ERGIC1: variants seen among roughly 807,000 people sequenced by gnomAD.
ERGIC1 encodes endoplasmic reticulum-Golgi intermediate compartment protein 1.
ERGIC1 carries 19 observed loss-of-function variants against 38.3 expected under a neutral mutation model. That is an observed-to-expected ratio of 0.50 (90% confidence interval 0.35 to 0.73). ERGIC1 has a LOEUF of 0.73. Ranked by LOEUF, ERGIC1 falls within the 30% of genes least tolerant of loss-of-function variation. ERGIC1 has a pLI of 0.01. For missense variants in ERGIC1, 294 were observed against 389.2 expected (o/e 0.76, Z 2.06); for synonymous variants, 124 against 157.6 (o/e 0.79, Z 1.60).
intron 1 of ERGIC1, among the ~76,000 whole-genome samples, chr5:172,866,087 C>T (rs947418150): frequency 2.6e-5 from 4 of 152,164 alleles, no homozygotes; most frequent in Admixed American, 6.5e-5. Flanking sequence ...AGTATAAACT[C>T]TCTTTTTCTT....
Position 172,932,432 on chromosome 5 carries a change from G to T in ERGIC1, c.542-4G>T. 6.2e-7 allele frequency: 1 copy of T among 1,613,952 alleles called. No homozygotes were observed. The highest frequency in any genetic ancestry group is 8.5e-7 in the Non-Finnish European group (1 of 1,179,948). On this transcript the variant is annotated splice_polypyrimidine_tract_variant and splice_region_variant and intron_variant, in intron 7 of 9. Coordinates refer to ENST00000393784, the MANE Select transcript of ERGIC1 (RefSeq NM_001031711.3). ...TGCTTCATTCTGCTGTGTCCTTCCC[G>T]CAGCCCTGGCCTCCCACGACTACAT...
chr5:172,913,877 A>G (rs1763272467), intron 4 of ERGIC1, among the ~76,000 whole-genome samples: 1 of 152,170 alleles, frequency 6.6e-6, no homozygotes, highest in African/African-American at 2.4e-5. Context: ...GGTGTGAATG[A>G]ATGAATAAGT....
At chr5:172,836,291 A>G (rs972519152) in intron 1 of ERGIC1, among the ~76,000 whole-genome samples, 1 of 152,166 alleles carries the variant, frequency 6.6e-6, no homozygotes, top group Non-Finnish European at 1.5e-5. Context: ...GGCCAGCTCT[A>G]GCCTTTGGCC....
intron 1 of ERGIC1, among the ~76,000 whole-genome samples, chr5:172,836,055 G>A (rs1394766243): frequency 6.6e-6 from 1 of 152,194 alleles, no homozygotes; most frequent in Non-Finnish European, 1.5e-5. Flanking sequence ...TGAGCTTGCT[G>A]GGGAAATTGC....
In ERGIC1 at chr5:172,926,782, C is replaced by G. The variant is rs1277158143; in HGVS notation, c.541+213C>G. ...TGATGGAGAAGGAAGAAGGCTTGTC[C>G]CGGGGCACAGCAGACGCACGCACGC... On this transcript the variant is annotated intron_variant, in intron 7 of 9. Transcript: ENST00000393784. This position sits in a 1 kb window ranked among gnomAD's most constrained non-coding sequence, Gnocchi z 5.2. The G allele has an allele frequency of 1.4e-5, 8 of 592,268 alleles. No individual in the cohort carries two copies. Among genetic ancestry groups the G allele is most frequent in the Non-Finnish European group, 2.4e-5 (8 of 331,952 alleles). The allele number at this position is 592,268 out of a possible 1,614,324, so 36.7% of individuals were successfully genotyped here.
At chr5:172,935,415 C>A (rs1763869193) in intron 9 of ERGIC1, 105 bp downstream of exon 9, 3 of 1,499,868 alleles carry the variant, frequency 2.0e-6, no homozygotes, top group South Asian at 2.3e-5. Flanking sequence ...AAACAGGAGG[C>A]AGCCTGCAGG....
chr5:172,886,258 G>A (rs1028907810), intron 1 of ERGIC1, among the ~76,000 whole-genome samples: 6 of 152,138 alleles, frequency 3.9e-5, no homozygotes, highest in African/African-American at 1.4e-4. Context: ...AGAGAGGACA[G>A]CGCCCAGCTT....
intron 1 of ERGIC1, among the ~76,000 whole-genome samples, chr5:172,881,467 A>G (rs915476212): frequency 3.3e-5 from 5 of 152,184 alleles, no homozygotes; most frequent in Admixed American, 3.3e-4. Context: ...AGTAGAGGAA[A>G]GGTCTGGGAC....
intron 7 of ERGIC1, among the ~76,000 whole-genome samples, chr5:172,928,374 C>T (rs1185561262): frequency 6.6e-6 from 1 of 152,214 alleles, no homozygotes; most frequent in Admixed American, 6.5e-5. Context: ...TGGCACTGGG[C>T]CGTTGCCTTT....
At position 172,893,911 on chromosome 5, in the gene ERGIC1, GTGTGTGTGTGTGT is replaced by G. The variant is rs1561721876; in HGVS notation, c.83-3090_83-3078del. ...TATATATATATATATATATATGTGT[GTGTGTGTGTGTGT>G]GTGTGTGTGTGTATATATATATATA... On this transcript the variant is annotated intron_variant, in intron 2 of 9. Transcript: ENST00000393784. Among the ~76,000 whole-genome samples, 10 of 35,072 alleles carry G rather than the reference GTGTGTGTGTGTGT, an allele frequency of 2.9e-4. 2 individuals are homozygous for G. Among genetic ancestry groups the G allele is most frequent in the African/African-American group, 1.1e-3 (10 of 9,450 alleles). 23.0% of individuals were successfully genotyped at this position (35,072 alleles called of 152,430 possible).
intron 4 of ERGIC1, among the ~76,000 whole-genome samples, chr5:172,911,802 A>G (rs1763214750): frequency 6.6e-6 from 1 of 152,144 alleles, no homozygotes; most frequent in Non-Finnish European, 1.5e-5. Flanking sequence ...CTAATAGACT[A>G]TATTTCAATC....
In ERGIC1 at chr5:172,926,630, G is replaced by T. The variant is rs1045342156; in HGVS notation, c.541+61G>T. On this transcript the variant is annotated intron_variant, in intron 7 of 9. Coordinates refer to ENST00000393784, the MANE Select transcript of ERGIC1 (RefSeq NM_001031711.3). This position sits in a 1 kb window ranked among gnomAD's most constrained non-coding sequence, Gnocchi z 5.2. ...AGATGCCCAGTACAGCAGGCAGGGAGGGGGAGGGCAGAGAGGTGGGGGTGC... is the reference window on the plus strand; with the variant it reads ...AGATGCCCAGTACAGCAGGCAGGGATGGGGAGGGCAGAGAGGTGGGGGTGC... 3.8e-6 allele frequency: 6 copies of T among 1,588,868 alleles called. No homozygotes were observed. The highest frequency in any genetic ancestry group is 5.1e-6 in the Non-Finnish European group (6 of 1,165,632).
At chr5:172,918,958 C>T (rs924053396) in intron 5 of ERGIC1, among the ~76,000 whole-genome samples, 1 of 152,134 alleles carries the variant, frequency 6.6e-6, no homozygotes, top group Non-Finnish European at 1.5e-5. Flanking sequence ...CATCACGCTG[C>T]GGCTGCTGCC....
chr5:172,886,495 G>A (rs747399590), intron 1 of ERGIC1, among the ~76,000 whole-genome samples: 11 of 152,162 alleles, frequency 7.2e-5, no homozygotes, highest in African/African-American at 2.2e-4. Context: ...TGCCTCTACC[G>A]CTAAACTACA....
At chr5:172,885,058 C>T (rs1458214652) in intron 1 of ERGIC1, among the ~76,000 whole-genome samples, 1 of 152,180 alleles carries the variant, frequency 6.6e-6, no homozygotes, top group East Asian at 1.9e-4. Flanking sequence ...CCACTGCTGC[C>T]TCCTCACCCA....
intron 3 of ERGIC1, among the ~76,000 whole-genome samples, chr5:172,907,101 C>T (rs1007164776): frequency 6.6e-6 from 1 of 152,236 alleles, no homozygotes; most frequent in African/African-American, 2.4e-5. Context: ...TGGGTTCCTA[C>T]AGCCCTCCTC....
intron 1 of ERGIC1, among the ~76,000 whole-genome samples, chr5:172,881,987 G>A (rs1463996751): frequency 6.6e-6 from 1 of 152,124 alleles, no homozygotes; most frequent in Non-Finnish European, 1.5e-5. Flanking sequence ...GTCAGCCAGG[G>A]AGGACGGCTC....
Position 172,834,498 on chromosome 5 carries a change from C to A in ERGIC1, c.20+65C>A. On this transcript the variant is annotated intron_variant, in intron 1 of 9. Transcript: ENST00000393784. The surrounding 1 kb of genome is among the most constrained non-coding windows in gnomAD (Gnocchi z 4.1). ...CGGGCAGAGGGAGCGCCCCGGCACG[C>A]CGCGGACCCCTCCCGCCCTGCATGC... is the stretch of plus-strand genomic sequence containing the variant. The A allele has an allele frequency of 7.9e-7, 1 of 1,260,348 alleles. No individual in the cohort carries two copies. Among genetic ancestry groups the A allele is most frequent in the Non-Finnish European group, 1.0e-6 (1 of 999,226 alleles). 78.1% of individuals were successfully genotyped at this position (1,260,348 alleles called of 1,614,324 possible).
chr5:172,926,578 C>T lies in ERGIC1; in HGVS notation c.541+9C>T. On this transcript the variant is annotated intron_variant, in intron 7 of 9. Coordinates refer to ENST00000393784, the MANE Select transcript of ERGIC1 (RefSeq NM_001031711.3). The surrounding 1 kb of genome is among the most constrained non-coding windows in gnomAD (Gnocchi z 5.2). ...CAGACTCACCTCCAACCGTATGTATCCCTGCTGGGAACAGCCTTCTGCTCC... is the reference window on the plus strand; with the variant it reads ...CAGACTCACCTCCAACCGTATGTATTCCTGCTGGGAACAGCCTTCTGCTCC... 6.2e-7 allele frequency: 1 copy of T among 1,611,642 alleles called. No individual in the cohort carries two copies. Among genetic ancestry groups the T allele is most frequent in the Non-Finnish European group, 8.5e-7 (1 of 1,179,970 alleles).
Sources: allele counts gnomAD v4.1 joint callset (sites outside exome capture counted in the v4.1 genomes callset), GRCh38; gene constraint gnomAD v4.1.1; non-coding constraint Gnocchi (gnomAD v3.1); transcripts MANE v1.5; gene names NCBI Gene and HGNC (gene_info 2026-07-23, HGNC 2026-07-21).